Variants in KLF8 observed in about 807,000 individuals in gnomAD.
The protein encoded by KLF8 is KLF transcription factor 8.
In KLF8, 10 loss-of-function variants were observed where a neutral mutation model predicts 18.2. That is an observed-to-expected ratio of 0.55 (90% CI 0.34 to 0.93). The LOEUF is 0.93. Among genes scored for constraint, KLF8 ranks in the 40% least tolerant of loss-of-function variants. The pLI is 0.02. For synonymous variants in KLF8, 109 were observed against 97.3 expected, an observed-to-expected ratio of 1.12 and a Z score of -0.71; for missense variants, 264 against 277.9, an observed-to-expected ratio of 0.95 and a Z score of 0.36.
the KLF8 span, among the ~76,000 whole-genome samples, chrX:55,978,459 G>A: frequency 1.8e-5 from 2 of 112,079 alleles, no homozygotes; most frequent in Non-Finnish European, 3.8e-5. Flanking sequence ...AGGAGGAAAT[G>A]TATGCCAGCA....
the KLF8 span, among the ~76,000 whole-genome samples, chrX:56,196,390 T>C: frequency 9.1e-6 from 1 of 109,720 alleles, no homozygotes; most frequent in African/African-American, 3.4e-5. Flanking sequence ...AAGGAAGATT[T>C]ACCAAGCAAA....
chrX:56,053,544 G>T, the KLF8 span, among the ~76,000 whole-genome samples: 120 of 68,510 alleles, frequency 1.8e-3, no homozygotes, highest in Middle Eastern at 7.7e-3. Context: ...TCTTTTCTTT[G>T]TTTTTTTTTT....
At chrX:56,072,469 T>G in the KLF8 span, among the ~76,000 whole-genome samples, 1 of 111,612 alleles carries the variant, frequency 9.0e-6, no homozygotes, top group South Asian at 3.7e-4. Context: ...GCAGGTAGAT[T>G]AGCTCTTCAA....
At chrX:55,944,812 T>G in the KLF8 span, among the ~76,000 whole-genome samples, 55 of 111,663 alleles carry the variant, frequency 4.9e-4, no homozygotes, top group Non-Finnish European at 1.0e-3. Context: ...TTGAAGGGTT[T>G]TTTGTGTCTC....
chrX:55,965,926 G>A, the KLF8 span, among the ~76,000 whole-genome samples: 3 of 111,576 alleles, frequency 2.7e-5, no homozygotes, highest in Non-Finnish European at 5.7e-5. Flanking sequence ...TTTGTGTCTC[G>A]GGCCTGGCAG....
At chrX:55,928,756 T>C in the KLF8 span, among the ~76,000 whole-genome samples, 1 of 112,364 alleles carries the variant, frequency 8.9e-6, no homozygotes, top group South Asian at 3.7e-4. Flanking sequence ...ACATTTGCTT[T>C]ATCCAGCCTA....
At chrX:56,105,091 G>A in the KLF8 span, among the ~76,000 whole-genome samples, 2 of 111,811 alleles carry the variant, frequency 1.8e-5, no homozygotes, top group African/African-American at 6.5e-5. Flanking sequence ...AGTTTGTTGT[G>A]ATTTGTGTTC....
the KLF8 span, among the ~76,000 whole-genome samples, chrX:56,207,043 C>A: frequency 8.9e-6 from 1 of 112,847 alleles, no homozygotes; most frequent in Non-Finnish European, 1.9e-5. Flanking sequence ...TAGAGCTCAA[C>A]ATAGATGTTG....
chrX:56,016,761 T>A, the KLF8 span, among the ~76,000 whole-genome samples: 5 of 111,859 alleles, frequency 4.5e-5, no homozygotes, highest in Admixed American at 1.9e-4. Context: ...CCACACAATA[T>A]GTTAATATTA....
At chrX:56,022,959 A>T in the KLF8 span, among the ~76,000 whole-genome samples, 1 of 111,675 alleles carries the variant, frequency 9.0e-6, no homozygotes, top group Non-Finnish European at 1.9e-5. Context: ...TTTATATCAC[A>T]TCACAACACC....
chrX:56,193,530 G>A, the KLF8 span, among the ~76,000 whole-genome samples: 25 of 112,157 alleles, frequency 2.2e-4, no homozygotes, highest in Admixed American at 8.5e-4. Flanking sequence ...CATATTTATT[G>A]CACCACTATC....
the KLF8 span, among the ~76,000 whole-genome samples, chrX:55,936,568 C>G: frequency 2.7e-5 from 3 of 112,825 alleles, no homozygotes; most frequent in African/African-American, 9.6e-5. Context: ...TGAGCCAAAG[C>G]AGGGCGAGGC....
the KLF8 span, among the ~76,000 whole-genome samples, chrX:56,202,250 GGTTT>G: frequency 9.2e-6 from 1 of 108,847 alleles, no homozygotes; most frequent in African/African-American, 3.3e-5. Flanking sequence ...CTGTCTTTTT[GGTTT>G]GTTTGTTTGT....
the KLF8 span, among the ~76,000 whole-genome samples, chrX:56,189,041 G>T: frequency 9.0e-6 from 1 of 111,546 alleles, no homozygotes; most frequent in Non-Finnish European, 1.9e-5. Context: ...AAACTCAAGA[G>T]CTTCTGCACA....
At chrX:55,965,984 C>G in the KLF8 span, among the ~76,000 whole-genome samples, 1 of 112,052 alleles carries the variant, frequency 8.9e-6, no homozygotes, top group Non-Finnish European at 1.9e-5. Context: ...AAGTGAATAT[C>G]AATGTTAGCC....
At chrX:56,109,961 TTG>T in the KLF8 span, among the ~76,000 whole-genome samples, 1 of 108,684 alleles carries the variant, frequency 9.2e-6, no homozygotes, top group African/African-American at 3.3e-5. Context: ...ATAGGCTCCA[TTG>T]TGTGTTGTTC....
chrX:56,038,724 T>G, the KLF8 span, among the ~76,000 whole-genome samples: 1 of 112,797 alleles, frequency 8.9e-6, no homozygotes, highest in African/African-American at 3.2e-5. Flanking sequence ...CCTTTCGGTA[T>G]ATACCCAGTA....
At chrX:56,148,195 G>T in the KLF8 span, among the ~76,000 whole-genome samples, 1 of 111,465 alleles carries the variant, frequency 9.0e-6, no homozygotes, top group Admixed American at 9.6e-5. Flanking sequence ...ATTGTTCCTT[G>T]AGCAGGAATT....
the KLF8 span, among the ~76,000 whole-genome samples, chrX:56,132,857 T>A: frequency 9.0e-6 from 1 of 111,132 alleles, no homozygotes; most frequent in Admixed American, 9.6e-5. Context: ...CATAGAAATA[T>A]GAAAGATCAT....
Sources: allele counts gnomAD v4.1 joint callset (sites outside exome capture counted in the v4.1 genomes callset), GRCh38; gene constraint gnomAD v4.1.1; transcripts MANE v1.5; gene names NCBI Gene and HGNC (gene_info 2026-07-23, HGNC 2026-07-21).